Variants in EYS observed in about 807,000 individuals in gnomAD.
The protein encoded by EYS is protein eyes shut homolog.
Under a neutral mutation model 282.1 loss-of-function variants are expected in EYS, and 250 were observed. The ratio of observed to expected loss-of-function variants is 0.89; its 90% CI spans 0.80 to 0.98. The LOEUF is 0.98. Among genes scored for constraint, EYS ranks in the 50% least tolerant of loss-of-function variants. EYS has a pLI of 0.00. For missense variants in EYS, 4,016 were observed against 3,709.0 expected, an observed-to-expected ratio of 1.08 and a Z score of -2.15; for synonymous variants, 1,355 against 1,282.9, an observed-to-expected ratio of 1.06 and a Z score of -1.20.
intron 22 of EYS, among the ~76,000 whole-genome samples, chr6:64,732,018 G>C (rs1461625942): frequency 6.6e-6 from 1 of 152,062 alleles, no homozygotes; most frequent in Non-Finnish European, 1.5e-5. Flanking sequence ...GTAGTGACAT[G>C]GATGAAGGTG....
At chr6:65,703,392 C>T (rs1263878982) in intron 1 of EYS, among the ~76,000 whole-genome samples, 2 of 151,944 alleles carry the variant, frequency 1.3e-5, no homozygotes, top group African/African-American at 4.8e-5. Flanking sequence ...ATAAATTTAA[C>T]TATGTTAGTT....
intron 28 of EYS, among the ~76,000 whole-genome samples, chr6:64,416,728 T>C (rs910130761): frequency 1.3e-5 from 2 of 152,204 alleles, no homozygotes; most frequent in Non-Finnish European, 1.5e-5. Context: ...TGGTACATCT[T>C]AGTAAAATTT....
intron 2 of EYS, among the ~76,000 whole-genome samples, chr6:65,501,134 T>A (rs13193142): frequency 1.3e-5 from 2 of 151,750 alleles, no homozygotes; most frequent in East Asian, 3.8e-4. Flanking sequence ...ACAGTTTGTC[T>A]TCTGTGAAGT....
intron 34 of EYS, among the ~76,000 whole-genome samples, chr6:63,993,908 T>C (rs1218574965): frequency 1.3e-5 from 2 of 152,028 alleles, no homozygotes; most frequent in East Asian, 3.9e-4. Flanking sequence ...ATTACAGAGC[T>C]ATAGTAATCA....
intron 22 of EYS, among the ~76,000 whole-genome samples, chr6:64,811,963 ATT>A (rs989805009): frequency 6.6e-6 from 1 of 152,058 alleles, no homozygotes. Flanking sequence ...TTGATAATCA[ATT>A]TTTTTATTGA....
intron 27 of EYS, among the ~76,000 whole-genome samples, chr6:64,437,556 TG>T (rs1774794720): frequency 6.6e-6 from 1 of 151,730 alleles, no homozygotes; most frequent in Non-Finnish European, 1.5e-5. Flanking sequence ...ACTTCACATG[TG>T]CTTTGTGCTA....
Position 64,324,865 on chromosome 6 carries a change from G to A in EYS, c.6079-17783C>T, listed in dbSNP as rs533396319. Among the ~76,000 whole-genome samples, 9 of 152,152 alleles carry A rather than the reference G, an allele frequency of 5.9e-5. No individual in the cohort carries two copies. In the South Asian group the frequency reaches 1.0e-3, roughly 18 times the overall value. On this transcript the variant is annotated intron_variant, in intron 29 of 42. Transcript: ENST00000503581. ...AATCAAGAATGTAATCTTGTTTACA[G>A]TAACCACAAAGAAAATGAAATACCT...
At chr6:64,514,343 G>A (rs917249217) in intron 26 of EYS, among the ~76,000 whole-genome samples, 5 of 151,722 alleles carry the variant, frequency 3.3e-5, no homozygotes, top group Non-Finnish European at 5.9e-5. Flanking sequence ...TGCTAATTAG[G>A]AATTGCAGGA....
chr6:64,989,394 A>AATATATATATATATATATATAT (rs60684321), intron 14 of EYS, among the ~76,000 whole-genome samples: 1,252 of 69,638 alleles, frequency 0.018, 201 homozygotes, highest in African/African-American at 0.028. Context: ...GGCTAGCTGT[A>AATATATATATATATATATATAT]ATATATATAT....
intron 12 of EYS, among the ~76,000 whole-genome samples, chr6:65,276,800 G>C (rs1003166376): frequency 6.6e-6 from 1 of 151,932 alleles, no homozygotes; most frequent in African/African-American, 2.4e-5. Flanking sequence ...TTTATCCTAG[G>C]TCACAGCCAG....
chr6:63,909,755 T>C (rs940574729), intron 35 of EYS, among the ~76,000 whole-genome samples: 1 of 152,178 alleles, frequency 6.6e-6, no homozygotes, highest in Non-Finnish European at 1.5e-5. Context: ...TGTAAGAAAT[T>C]CTGGTGTCTG....
rs866555317 is a variant in EYS at position 64,816,304 on chromosome 6, G to A, written c.3244-2727C>T. Among the ~76,000 whole-genome samples the A allele has an allele frequency of 9.2e-5, 14 of 152,024 alleles. No homozygotes were observed. The South Asian group carries it at 1.0e-3, about 11-fold the overall frequency. On this transcript the variant is annotated intron_variant, in intron 21 of 42. Transcript: ENST00000503581. The stretch of plus-strand genomic sequence containing the variant: ...AGTGTAGTCCAGTGTTTTTAAATGC[G>A]TATATTCAAAATCTCATTAATTATA...
chr6:65,271,890 A>G (rs1035935139), intron 12 of EYS, among the ~76,000 whole-genome samples: 4 of 152,094 alleles, frequency 2.6e-5, no homozygotes, highest in African/African-American at 9.7e-5. Flanking sequence ...AGCACCAGTC[A>G]AAACATAAAA....
At chr6:64,988,471 TA>T (rs1770941909) in intron 14 of EYS, among the ~76,000 whole-genome samples, 1 of 151,530 alleles carries the variant, frequency 6.6e-6, no homozygotes, top group South Asian at 2.1e-4. Context: ...TGAAAAAATC[TA>T]AAAAAAGTTA....
At chr6:65,140,829 A>C (rs563371478) in intron 12 of EYS, among the ~76,000 whole-genome samples, 10 of 149,676 alleles carry the variant, frequency 6.7e-5, no homozygotes, top group Non-Finnish European at 1.3e-4. Flanking sequence ...AATCATTAAA[A>C]AGTCAGGAAA....
At chr6:65,189,133 G>T (rs1190712217) in intron 12 of EYS, among the ~76,000 whole-genome samples, 1 of 151,258 alleles carries the variant, frequency 6.6e-6, no homozygotes, top group Non-Finnish European at 1.5e-5. Flanking sequence ...GAGGCAAAAA[G>T]GTAATGTGAA....
At chr6:64,215,505 G>C (rs937308257) in intron 31 of EYS, among the ~76,000 whole-genome samples, 2 of 152,030 alleles carry the variant, frequency 1.3e-5, no homozygotes, top group African/African-American at 4.8e-5. Flanking sequence ...TTCAGAACTA[G>C]TTTGAGTGGA....
At chr6:65,351,197 T>A (rs528496810) in intron 9 of EYS, among the ~76,000 whole-genome samples, 3 of 151,924 alleles carry the variant, frequency 2.0e-5, no homozygotes, top group South Asian at 4.1e-4. Flanking sequence ...TACTTAAACA[T>A]TCATTCAGTC....
chr6:64,373,192 A>G (rs1038992977), intron 29 of EYS, among the ~76,000 whole-genome samples: 1 of 152,080 alleles, frequency 6.6e-6, no homozygotes, highest in African/African-American at 2.4e-5. Context: ...TGTGGGGATT[A>G]TGTTCTTTCA....
Sources: allele counts gnomAD v4.1 joint callset (sites outside exome capture counted in the v4.1 genomes callset), GRCh38; gene constraint gnomAD v4.1.1; transcripts MANE v1.5; gene names NCBI Gene and HGNC (gene_info 2026-07-23, HGNC 2026-07-21).